Variants in TEX9 observed in about 807,000 individuals in gnomAD.
TEX9 encodes the protein testis-expressed protein 9.
In TEX9, 74 loss-of-function variants were observed where a neutral mutation model predicts 59.6. That is an observed-to-expected ratio of 1.24 (90% CI 1.03 to 1.51). The LOEUF is 1.51. Among genes scored for constraint, TEX9 ranks in the 40% most tolerant of loss-of-function variants. The pLI, the probability that TEX9 is intolerant of heterozygous loss-of-function variation, is 0.00. For synonymous variants in TEX9, 186 were observed against 152.2 expected, an observed-to-expected ratio of 1.22 and a Z score of -1.64; for missense variants, 522 against 447.8, an observed-to-expected ratio of 1.17 and a Z score of -1.49.
intron 1 of TEX9, among the ~76,000 whole-genome samples, chr15:56,352,212 G>A (rs2046596102): frequency 6.6e-6 from 1 of 152,110 alleles, no homozygotes; most frequent in African/African-American, 2.4e-5. Flanking sequence ...GTTGAGTAAT[G>A]AAGTGTTAGA....
intron 4 of TEX9, among the ~76,000 whole-genome samples, chr15:56,384,803 T>C (rs1199759791): frequency 2.0e-5 from 3 of 152,178 alleles, no homozygotes; most frequent in African/African-American, 4.8e-5. Context: ...AACAGGTGTC[T>C]AATGAACTTG....
intron 12 of TEX9, chr15:56,429,282 G>C: frequency 1.3e-6 from 1 of 796,666 alleles, no homozygotes; most frequent in Non-Finnish European, 2.0e-6. Context: ...GATTAGTAAA[G>C]TTATCTCCAA....
the TEX9 span, chr15:56,456,423 T>G: frequency 6.2e-7 from 1 of 1,611,026 alleles, no homozygotes; most frequent in South Asian, 1.1e-5. Flanking sequence ...GCCTCATCTT[T>G]TCGTCCTTTA....
rs565202553 is a variant in TEX9, at chr15:56,334,182, A to G, written c.-106-39259A>G. ...AATCCTAAAATTTAAATGCAACCACAGAAGACTCAGAATGGCCAAAGCTAT... is the reference window on the plus strand; with the variant it reads ...AATCCTAAAATTTAAATGCAACCACGGAAGACTCAGAATGGCCAAAGCTAT... On this transcript the variant is annotated intron_variant, in intron 1 of 5. Coordinates refer to the TEX9 transcript ENST00000560827. 5.3e-5 allele frequency among the ~76,000 whole-genome samples: 8 copies of G among 152,332 alleles called. No homozygotes were observed. In the East Asian group the frequency reaches 1.2e-3, roughly 22 times the overall value.
At chr15:56,316,127 G>A (rs376937471) in intron 1 of TEX9, among the ~76,000 whole-genome samples, 4 of 145,572 alleles carry the variant, frequency 2.7e-5, no homozygotes, top group South Asian at 2.2e-4. Context: ...TAATTTGATC[G>A]TCTGAAGCCT....
intron 9 of TEX9, among the ~76,000 whole-genome samples, chr15:56,399,048 G>A (rs2048634181): frequency 6.6e-6 from 1 of 152,218 alleles, no homozygotes; most frequent in South Asian, 2.1e-4. Context: ...GATCAACGCA[G>A]AAGACAGGTG....
At chr15:56,401,679 A>G (rs1386416966) in intron 9 of TEX9, among the ~76,000 whole-genome samples, 4 of 152,214 alleles carry the variant, frequency 2.6e-5, no homozygotes, top group Admixed American at 2.6e-4. Context: ...AACAGAATAT[A>G]CATTCTTCTC....
the TEX9 span, among the ~76,000 whole-genome samples, chr15:56,452,142 C>T: frequency 6.6e-6 from 1 of 152,140 alleles, no homozygotes; most frequent in East Asian, 1.9e-4. Flanking sequence ...GTTCCCAAGA[C>T]CACCATCAGG....
At chr15:56,347,509 A>G (rs935250516) in intron 1 of TEX9, among the ~76,000 whole-genome samples, 3 of 151,936 alleles carry the variant, frequency 2.0e-5, no homozygotes, top group South Asian at 2.1e-4. Context: ...ATGGTTCCAG[A>G]GCAACTGGAA....
chr15:56,291,606 C>G (rs1482600922), intron 1 of TEX9, among the ~76,000 whole-genome samples: 3 of 152,118 alleles, frequency 2.0e-5, no homozygotes, highest in African/African-American at 7.2e-5. Flanking sequence ...TTGTTATTAA[C>G]TCTAGTCACC....
intron 3 of TEX9, among the ~76,000 whole-genome samples, chr15:56,378,852 A>G (rs2047583305): frequency 6.6e-6 from 1 of 151,842 alleles, no homozygotes; most frequent in Non-Finnish European, 1.5e-5. Context: ...ACTCACTTGA[A>G]CCCAGAAGTT....
At chr15:56,256,656 A>G (rs1346760007) in intron 1 of TEX9, among the ~76,000 whole-genome samples, 3 of 152,014 alleles carry the variant, frequency 2.0e-5, no homozygotes, top group African/African-American at 7.2e-5. Flanking sequence ...CAAGGTTAAA[A>G]AAAGAGAGAG....
the TEX9 span, among the ~76,000 whole-genome samples, chr15:56,459,990 CAAAA>C: frequency 1.8e-4 from 2 of 11,114 alleles, no homozygotes; most frequent in African/African-American, 8.9e-4. Flanking sequence ...AATTCTGTCT[CAAAA>C]AAAAAAAAAA....
chr15:56,319,228 C>A (rs1041482544), intron 1 of TEX9, among the ~76,000 whole-genome samples: 2 of 151,820 alleles, frequency 1.3e-5, no homozygotes, highest in Non-Finnish European at 1.5e-5. Context: ...CATTTCAAAA[C>A]GTCTTGACCA....
intron 1 of TEX9, among the ~76,000 whole-genome samples, chr15:56,266,161 C>A (rs1359134549): frequency 6.6e-6 from 1 of 151,664 alleles, no homozygotes; most frequent in African/African-American, 2.4e-5. Flanking sequence ...GAGTCTCACT[C>A]TGTCTCCCAG....
chr15:56,387,354 C>T (rs1383425471), intron 4 of TEX9, among the ~76,000 whole-genome samples: 2 of 151,766 alleles, frequency 1.3e-5, no homozygotes, highest in Non-Finnish European at 2.9e-5. Context: ...TTAAAGAGGA[C>T]ACTTAAAATT....
intron 1 of TEX9, among the ~76,000 whole-genome samples, chr15:56,351,783 G>A (rs1319314432): frequency 6.6e-6 from 1 of 152,286 alleles, no homozygotes; most frequent in Non-Finnish European, 1.5e-5. Flanking sequence ...TCCTCTATGT[G>A]AAAGAGAAAA....
chr15:56,393,165 C>T (rs1201249530), intron 7 of TEX9, among the ~76,000 whole-genome samples: 2 of 152,126 alleles, frequency 1.3e-5, no homozygotes, highest in Non-Finnish European at 2.9e-5. Flanking sequence ...TCATGCTTTC[C>T]TATTTTTTCT....
At chr15:56,396,463 A>G (rs1438000119) in intron 9 of TEX9, 1 of 151,992 alleles carries the variant, frequency 6.6e-6, no homozygotes, top group Non-Finnish European at 1.5e-5. Context: ...GGCCTTCCCT[A>G]ATTCCACCAC....
Sources: allele counts gnomAD v4.1 joint callset (sites outside exome capture counted in the v4.1 genomes callset), GRCh38; gene constraint gnomAD v4.1.1; transcripts MANE v1.5; gene names NCBI Gene and HGNC (gene_info 2026-07-23, HGNC 2026-07-21).